PCDHA7: variants seen among roughly 807,000 people sequenced by gnomAD.
PCDHA7 encodes the protein protocadherin alpha-7.
PCDHA7 carries 37 observed loss-of-function variants against 57.2 expected under a neutral mutation model. The ratio of observed to expected loss-of-function variants is 0.65; its 90% confidence interval spans 0.50 to 0.85. The LOEUF is 0.85. Among genes scored for constraint, PCDHA7 ranks in the 40% least tolerant of loss-of-function variants. PCDHA7 has a pLI of 0.00. For synonymous variants in PCDHA7, 553 were observed against 558.8 expected (o/e 0.99, Z 0.15); for missense variants, 1,188 against 1,241.8 (o/e 0.96, Z 0.65).
chr5:140,856,440 G>C, intron 1 of PCDHA7: 2 of 1,598,404 alleles, frequency 1.3e-6, no homozygotes, highest in East Asian at 2.2e-5. Context: ...AACCCGCCCA[G>C]GTTCTCCGTA....
intron 1 of PCDHA7, chr5:140,870,868 G>A (rs550915753): frequency 1.2e-6 from 2 of 1,613,944 alleles, no homozygotes; most frequent in Non-Finnish European, 1.7e-6. Flanking sequence ...TGCGGGCCAC[G>A]TGGTGGCGAA....
intron 3 of PCDHA7, among the ~76,000 whole-genome samples, chr5:140,993,515 G>T (rs1351377291): frequency 6.7e-6 from 1 of 149,364 alleles, no homozygotes; most frequent in East Asian, 1.9e-4. Context: ...CACACGGGGA[G>T]AGAGAGACAG....
At chr5:140,877,159 C>G in intron 1 of PCDHA7, 2 of 1,613,818 alleles carry the variant, frequency 1.2e-6, no homozygotes, top group Non-Finnish European at 1.7e-6. Flanking sequence ...CGACAACGCG[C>G]CGGCACTGCT....
Position 140,841,423 on chromosome 5 carries a change from C to T in PCDHA7, c.2355+4685C>T, listed in dbSNP as rs139433967. ...TGGGGAGCGGCCAGCTCCACTACTCCGTCCCCGAGGAGGCCAAACACGGCA... is the reference window on the plus strand; with the variant it reads ...TGGGGAGCGGCCAGCTCCACTACTCTGTCCCCGAGGAGGCCAAACACGGCA... On this transcript the variant is annotated intron_variant, in intron 1 of 3. Coordinates refer to ENST00000525929, the MANE Select transcript of PCDHA7 (RefSeq NM_018910.3). 4.9e-4 allele frequency: 796 copies of T among 1,610,400 alleles called. 13 individuals carry two copies. The African/African-American group carries it at 8.8e-3, about 18-fold the overall frequency.
intron 3 of PCDHA7, among the ~76,000 whole-genome samples, chr5:141,006,560 C>G (rs1179730864): frequency 2.0e-5 from 3 of 152,084 alleles, no homozygotes; most frequent in Non-Finnish European, 4.4e-5. Flanking sequence ...AAAGATGACT[C>G]TGGCTACTGT....
chr5:140,850,523 A>G (rs2150487907), intron 1 of PCDHA7: 1 of 1,598,226 alleles, frequency 6.3e-7, no homozygotes, highest in Non-Finnish European at 8.6e-7. Flanking sequence ...GCCAGGCGCC[A>G]AAGTCATCGT....
intron 3 of PCDHA7, among the ~76,000 whole-genome samples, chr5:140,999,235 T>C (rs1407252981): frequency 6.6e-6 from 1 of 152,154 alleles, no homozygotes; most frequent in Non-Finnish European, 1.5e-5. Context: ...GAATAGGTGG[T>C]TAAAGTGGGA....
At position 140,834,326 on chromosome 5, in the gene PCDHA7, A is replaced by T; in HGVS notation, c.-58A>T. On this transcript the variant is annotated 5_prime_UTR_variant, in exon 1 of 4. Transcript: ENST00000525929. ...GAGATTGAAATGAAGGGATAAAAAC[A>T]TTCCTATAAATTCGAAGGCAAGTTT... The T allele has an allele frequency of 6.9e-7, 1 of 1,449,926 alleles. No individual in the cohort carries two copies. The highest frequency in any genetic ancestry group is 9.4e-7 in the Non-Finnish European group (1 of 1,066,182). 89.8% of individuals were successfully genotyped at this position (1,449,926 alleles called of 1,614,324 possible).
In PCDHA7 at chr5:140,835,958, C is replaced by T. The variant is rs2150249126; in HGVS notation, c.1575C>T (p.His525=). The change falls in exon 1 of 4, where the codon CAC becomes CAT. Residue 525 remains histidine, a synonymous_variant. Coordinates refer to ENST00000525929, the MANE Select transcript of PCDHA7 (RefSeq NM_018910.3). The part of the protein sequence containing the change: ...GKVYALQPLD[H]EELELLQFQV... ...TGTACGCGCTGCAGCCGTTGGACCA[C>T]GAGGAGCTGGAGCTGTTGCAGTTCC... The T allele has an allele frequency of 1.9e-6, 3 of 1,613,058 alleles. No individual in the cohort carries two copies. The highest frequency in any genetic ancestry group is 1.8e-4 in the Middle Eastern group (1 of 5,676).
At chr5:140,894,236 T>C (rs1205163436) in intron 1 of PCDHA7, among the ~76,000 whole-genome samples, 7 of 152,250 alleles carry the variant, frequency 4.6e-5, no homozygotes, top group South Asian at 2.1e-4. Context: ...TGAATGACAA[T>C]GTAATTTTCT....
intron 1 of PCDHA7, chr5:140,927,616 G>T (rs1228559116): frequency 6.2e-7 from 1 of 1,614,164 alleles, no homozygotes; most frequent in South Asian, 1.1e-5. Flanking sequence ...CCGCACCAAG[G>T]TTCCAGAGAC....
intron 1 of PCDHA7, chr5:140,968,960 T>C (rs1563384845): frequency 6.2e-7 from 1 of 1,614,212 alleles, no homozygotes; most frequent in South Asian, 1.1e-5. Context: ...CATCAAGTGC[T>C]ACCGCTACAC....
chr5:140,881,680 T>G (rs1391876461), intron 1 of PCDHA7, among the ~76,000 whole-genome samples: 1 of 152,268 alleles, frequency 6.6e-6, no homozygotes. Flanking sequence ...GTGATTGTTA[T>G]GTTTCCTTTT....
At chr5:140,925,923 C>CT (rs111894943) in intron 1 of PCDHA7, among the ~76,000 whole-genome samples, 7,061 of 152,174 alleles carry the variant, frequency 0.046, 290 homozygotes, top group African/African-American at 0.11. Context: ...GCAAAGCACT[C>CT]CCAAGTAGAG....
intron 1 of PCDHA7, chr5:140,883,801 C>G: frequency 3.1e-6 from 5 of 1,612,430 alleles, no homozygotes; most frequent in Non-Finnish European, 4.2e-6. Flanking sequence ...TGTCGGTGCA[C>G]GCGGAGAGCG....
At chr5:141,007,476 G>A (rs1412241964) in intron 3 of PCDHA7, among the ~76,000 whole-genome samples, 1 of 151,712 alleles carries the variant, frequency 6.6e-6, no homozygotes, top group Non-Finnish European at 1.5e-5. Context: ...GCTGAGGCAC[G>A]AGAATTACTT....
intron 1 of PCDHA7, among the ~76,000 whole-genome samples, chr5:140,956,122 A>T (rs1371284760): frequency 6.6e-6 from 1 of 152,116 alleles, no homozygotes; most frequent in Non-Finnish European, 1.5e-5. Context: ...CTCTCTTCCT[A>T]TTTGAATACC....
chr5:140,856,563 G>A (rs1554148859), intron 1 of PCDHA7: 3 of 1,597,526 alleles, frequency 1.9e-6, no homozygotes, highest in Middle Eastern at 1.7e-4. Context: ...TACAAACTCA[G>A]TCCAAATGAG....
chr5:140,969,125 C>T (rs2096298194), intron 1 of PCDHA7: 3 of 1,614,152 alleles, frequency 1.9e-6, no homozygotes, highest in East Asian at 2.2e-5. Flanking sequence ...GAATGGCTCC[C>T]TCACCAAGAC....
Sources: allele counts gnomAD v4.1 joint callset (sites outside exome capture counted in the v4.1 genomes callset), GRCh38; gene constraint gnomAD v4.1.1; transcripts MANE v1.5; gene names NCBI Gene and HGNC (gene_info 2026-07-23, HGNC 2026-07-21).